The following CEP63 variants were observed in gnomAD, a reference collection of about 807,000 sequenced individuals.
CEP63 encodes centrosomal protein of 63 kDa.
CEP63 carries 84 observed loss-of-function variants against 89.1 expected under a neutral mutation model. The observed-to-expected ratio is 0.94, with a 90% CI of 0.79 to 1.13. The LOEUF (loss-of-function observed/expected upper bound fraction) is 1.13. Ranked by LOEUF, CEP63 falls within the 50% of genes most tolerant of loss-of-function variation. The probability of loss-of-function intolerance (pLI) is 0.00; values close to 1 mark genes in which losing one functional copy is unlikely to be tolerated. For synonymous variants in CEP63, 267 were observed against 272.5 expected (o/e 0.98, Z 0.20); for missense variants, 838 against 813.3 (o/e 1.03, Z -0.37).
At chr3:134,749,670 T>C in the CEP63 span, among the ~76,000 whole-genome samples, 3 of 117,210 alleles carry the variant, frequency 2.6e-5, no homozygotes, top group African/African-American at 9.7e-5. Flanking sequence ...AACTTTCCTT[T>C]CCTGTCCATA....
At chr3:134,726,909 G>A in the CEP63 span, among the ~76,000 whole-genome samples, 1 of 152,044 alleles carries the variant, frequency 6.6e-6, no homozygotes, top group African/African-American at 2.4e-5. Context: ...CCTGGCTGCA[G>A]TTATGTCTTT....
the CEP63 span, among the ~76,000 whole-genome samples, chr3:134,781,244 A>T: frequency 0.86 from 131,040 of 152,234 alleles, 56,489 homozygotes; most frequent in East Asian, 0.92. Flanking sequence ...TCTTCAAAAA[A>T]ATTATAGATT....
downstream of CEP63, among the ~76,000 whole-genome samples, chr3:134,568,974 C>CTTACATGTGACTCCA (rs1177486313): frequency 6.6e-6 from 1 of 152,190 alleles, no homozygotes; most frequent in Non-Finnish European, 1.5e-5. Context: ...CAAGTCACAT[C>CTTACATGTGACTCCA]TTACATGGAG....
chr3:134,590,107 G>C (rs577144931), downstream of CEP63, among the ~76,000 whole-genome samples: 5 of 152,148 alleles, frequency 3.3e-5, no homozygotes, highest in South Asian at 1.0e-3. Flanking sequence ...GTGGGAGGAG[G>C]GTGAGGATCG....
At chr3:134,669,141 T>C in the CEP63 span, among the ~76,000 whole-genome samples, 1 of 152,108 alleles carries the variant, frequency 6.6e-6, no homozygotes, top group Non-Finnish European at 1.5e-5. Flanking sequence ...TCATCTCACC[T>C]CAGCCTCTCG....
At chr3:134,743,410 G>A in the CEP63 span, among the ~76,000 whole-genome samples, 560 of 152,276 alleles carry the variant, frequency 3.7e-3, 2 homozygotes, top group South Asian at 0.019. Flanking sequence ...GGCAGGCTGG[G>A]AGGGCTCCTG....
At chr3:134,485,823 G>C (rs62621444), upstream of CEP63, 2,588 of 254,458 alleles carry the variant, frequency 0.01, 64 homozygotes, top group African/African-American at 0.056. Context: ...CACGAGTGCA[G>C]TAAAGAAAAA....
At chr3:134,672,057 A>G in the CEP63 span, among the ~76,000 whole-genome samples, 6 of 152,134 alleles carry the variant, frequency 3.9e-5, no homozygotes, top group Non-Finnish European at 7.4e-5. Context: ...TGTTGAAACC[A>G]ATTTCAAAAA....
At chr3:134,774,015 A>G in the CEP63 span, among the ~76,000 whole-genome samples, 1 of 152,208 alleles carries the variant, frequency 6.6e-6, no homozygotes, top group Admixed American at 6.5e-5. Flanking sequence ...CTCAGTAGAT[A>G]TATGCTGAAT....
intron 2 of CEP63, among the ~76,000 whole-genome samples, chr3:134,495,989 G>A (rs1939760431): frequency 6.6e-6 from 1 of 152,170 alleles, no homozygotes; most frequent in African/African-American, 2.4e-5. Context: ...GGACACTCAA[G>A]TCAATTCCAT....
At chr3:134,600,095 TA>T in the CEP63 span, among the ~76,000 whole-genome samples, 10 of 152,172 alleles carry the variant, frequency 6.6e-5, no homozygotes, top group Non-Finnish European at 1.5e-5. Flanking sequence ...AGACCTAAGA[TA>T]AACTGAGGCG....
the CEP63 span, among the ~76,000 whole-genome samples, chr3:134,753,164 G>T: frequency 1.1e-4 from 16 of 152,220 alleles, no homozygotes; most frequent in Non-Finnish European, 2.1e-4. Context: ...CTATGTTTCT[G>T]CCTGTCTATC....
At chr3:134,525,610 T>C (rs971919667) in intron 3 of CEP63, among the ~76,000 whole-genome samples, 11 of 152,262 alleles carry the variant, frequency 7.2e-5, no homozygotes, top group African/African-American at 2.7e-4. Context: ...GTGGTTGCTT[T>C]ATAGTATCAC....
rs368564373 is a variant in CEP63 at position 134,507,209 on chromosome 3, G to C, written c.145G>C (p.Ala49Pro). Residue 49 changes from alanine to proline, a missense_variant, in exon 3 of 15, where the codon GCT becomes CCT. By Grantham distance (27) the Ala-to-Pro change is conservative (BLOSUM62 -1). Coordinates refer to ENST00000675561, the MANE Select transcript of CEP63 (RefSeq NM_001353108.3). ...ATCTGAATGGGAAGGACGTACACAT[G>C]CTCTAGAAACTTGCTTGAAAATCCG... ...KKSEWEGRTH[A>P]LETCLKIREQ... is the part of the protein sequence containing the mutation. 11 of 1,613,540 alleles carry C rather than the reference G, an allele frequency of 6.8e-6. No homozygotes were observed. Among genetic ancestry groups the C allele is most frequent in the South Asian group, 1.1e-5 (1 of 91,080 alleles).
the CEP63 span, chr3:134,619,316 A>G: frequency 7.3e-7 from 1 of 1,378,728 alleles, no homozygotes; most frequent in Non-Finnish European, 1.0e-6. Flanking sequence ...GGAGGCGAGA[A>G]GACTCCACCC....
intron 1 of CEP63, among the ~76,000 whole-genome samples, chr3:134,492,604 A>T (rs6806417): frequency 1.3e-5 from 2 of 149,068 alleles, no homozygotes; most frequent in Admixed American, 6.7e-5. Context: ...AGGAATCTCT[A>T]TCTTAGACCA....
intron 3 of CEP63, among the ~76,000 whole-genome samples, chr3:134,522,106 A>C (rs962675158): frequency 3.3e-5 from 5 of 152,152 alleles, no homozygotes; most frequent in Admixed American, 2.0e-4. Context: ...TTAATTAACA[A>C]ATTTGCCTGG....
chr3:134,709,550 T>C, the CEP63 span, among the ~76,000 whole-genome samples: 1 of 152,156 alleles, frequency 6.6e-6, no homozygotes, highest in African/African-American at 2.4e-5. Context: ...TTTATTCTGA[T>C]GTCTTCTTCC....
chr3:134,486,474 G>C, intron 1 of CEP63: 1 of 985,624 alleles, frequency 1.0e-6, no homozygotes, highest in South Asian at 4.7e-5. Context: ...GCGTGGCGCA[G>C]CCCGGCGTGG....
Sources: gnomAD v4.1 joint callset for allele counts (sites outside exome capture counted in the v4.1 genomes callset) on GRCh38, gnomAD v4.1.1 for gene constraint, MANE v1.5 for transcripts, NCBI Gene and HGNC (gene_info 2026-07-23, HGNC 2026-07-21) for gene names.